The following RFX2 variants were observed in gnomAD, a reference collection of about 807,000 sequenced individuals.
The protein encoded by RFX2 is DNA-binding protein RFX2.
Under a neutral mutation model 87.8 loss-of-function variants are expected in RFX2, and 20 were observed. The ratio of observed to expected loss-of-function variants is 0.23; its 90% CI spans 0.16 to 0.33. The LOEUF is 0.33. Among genes scored for constraint, RFX2 ranks in the 10% least tolerant of loss-of-function variants. The pLI, the probability that RFX2 is intolerant of heterozygous loss-of-function variation, is 1.00. For missense variants in RFX2, 767 were observed against 1,012.3 expected (o/e 0.76, Z 3.29); for synonymous variants, 397 against 431.3 (o/e 0.92, Z 0.98).
At chr19:6,104,584 A>T (rs559600326) in intron 1 of RFX2, among the ~76,000 whole-genome samples, 15 of 150,514 alleles carry the variant, frequency 1.0e-4, no homozygotes, top group Admixed American at 2.6e-4. Context: ...AAAAAAAAAA[A>T]TTTTTAAGGG....
intron 1 of RFX2, among the ~76,000 whole-genome samples, chr19:6,054,493 T>C (rs572821426): frequency 6.6e-6 from 1 of 152,176 alleles, no homozygotes; most frequent in Admixed American, 6.5e-5. Flanking sequence ...AAAATATTAA[T>C]AAATCAAATT....
At chr19:6,097,063 TG>T (rs1189916959) in intron 1 of RFX2, among the ~76,000 whole-genome samples, 1 of 152,156 alleles carries the variant, frequency 6.6e-6, no homozygotes, top group Non-Finnish European at 1.5e-5. Flanking sequence ...AAGACCAGTT[TG>T]GGTGGTGGGA....
intron 1 of RFX2, among the ~76,000 whole-genome samples, chr19:6,107,616 CA>C (rs1156483792): frequency 0.16 from 5,042 of 31,382 alleles, 25 homozygotes; most frequent in East Asian, 0.3. Context: ...GACCCTGTCT[CA>C]AAAAAAAAAA....
intron 5 of RFX2, among the ~76,000 whole-genome samples, chr19:6,034,227 ATTTTTTT>A (rs1167004611): frequency 3.4e-5 from 4 of 117,624 alleles, no homozygotes; most frequent in East Asian, 4.7e-4. Context: ...CACACTGCTA[ATTTTTTT>A]TTTTTTTTTT....
rs1033542055 is a variant in RFX2 at position 6,074,810 on chromosome 19, G to A, written c.-8-27306C>T. Among the ~76,000 whole-genome samples the A allele has an allele frequency of 6.6e-6, 1 of 152,236 alleles. No homozygotes were observed. The highest frequency in any genetic ancestry group is 2.4e-5 in the African/African-American group (1 of 41,464). ...TCTGCCAGGGATGGTGCTCGGCAAG[G>A]CTGAGGCACACGGGACATGTGGGGT... On this transcript the variant is annotated intron_variant, in intron 1 of 17. Coordinates refer to ENST00000303657, the MANE Select transcript of RFX2 (RefSeq NM_000635.4). This position sits in a 1 kb window ranked among gnomAD's most constrained non-coding sequence, Gnocchi z 5.2.
chr19:6,077,857 G>C (rs554560534), intron 1 of RFX2, among the ~76,000 whole-genome samples: 6 of 151,998 alleles, frequency 3.9e-5, no homozygotes, highest in African/African-American at 1.4e-4. Context: ...GCACATGCCT[G>C]TAATCCCAGC....
chr19:6,104,568 CAA>C (rs576267913), intron 1 of RFX2, among the ~76,000 whole-genome samples: 4 of 121,070 alleles, frequency 3.3e-5, no homozygotes, highest in Non-Finnish European at 3.6e-5. Flanking sequence ...GACTCCATCT[CAA>C]AAAAAAAAAA....
rs754731604 is a variant in RFX2 at position 6,023,570 on chromosome 19, C to G, written c.597+2593G>C. Among the ~76,000 whole-genome samples, 8 of 152,208 alleles carry G rather than the reference C, an allele frequency of 5.3e-5. No homozygotes were observed. The highest frequency in any genetic ancestry group is 4.1e-4 in the South Asian group (2 of 4,832). The stretch of plus-strand genomic sequence containing the variant: ...TGCTTCGAGTCACCAAGCCCGGAAT[C>G]TTACTGATCACAGCTCATGACAGAA... On this transcript the variant is annotated intron_variant, in intron 6 of 17. Coordinates refer to ENST00000303657, the MANE Select transcript of RFX2 (RefSeq NM_000635.4). This position sits in a 1 kb window ranked among gnomAD's most constrained non-coding sequence, Gnocchi z 4.9.
chr19:6,007,706 TG>T lies in RFX2; in HGVS notation c.1230del (p.Thr411ProfsTer33). On this transcript the variant is annotated frameshift_variant, in exon 11 of 18. Transcript: ENST00000303657. LOFTEE classifies it high-confidence loss of function. This position sits in a 1 kb window ranked among gnomAD's most constrained non-coding sequence, Gnocchi z 8.2. ...GGCAGTCACCTGGCAGGAAGAGAGG[TG>T]GGGCCGTCGCTGGAGGAGGCCTTAG... The part of the protein sequence containing the change: ...WNSKASSSDG[P>X]TSLPASDEDP... 6.4e-7 allele frequency: 1 copy of T among 1,552,274 alleles called. No individual in the cohort carries two copies.
chr19:6,033,250 A>C lies in RFX2; in HGVS notation c.522+6730T>G, dbSNP rs529506634. On this transcript the variant is annotated intron_variant, in intron 5 of 17. Transcript: ENST00000303657. ...TTTCTCACTAATGTCCTTCCTCTGGACCAGGACCCAATCTGGGATCACATA... is the reference window on the plus strand; with the variant it reads ...TTTCTCACTAATGTCCTTCCTCTGGCCCAGGACCCAATCTGGGATCACATA... 2.6e-5 allele frequency among the ~76,000 whole-genome samples: 4 copies of C among 152,304 alleles called. No homozygotes were observed. The South Asian group carries it at 8.3e-4, about 32-fold the overall frequency.
rs530452619 is a variant in RFX2 at position 6,003,563 on chromosome 19, G to A, written c.1500+638C>T. Among the ~76,000 whole-genome samples, 144 of 152,052 alleles carry A rather than the reference G, an allele frequency of 9.5e-4. 3 individuals carry two copies. In the South Asian group the frequency reaches 0.027, roughly 29 times the overall value. ...AGGCCAAGGCAGGTGGATCGCCTGAGGTCAGGAGTTCGAGACCAGCCTGGC... is the reference window on the plus strand; with the variant it reads ...AGGCCAAGGCAGGTGGATCGCCTGAAGTCAGGAGTTCGAGACCAGCCTGGC... On this transcript the variant is annotated intron_variant, in intron 13 of 17. Coordinates refer to ENST00000303657, the MANE Select transcript of RFX2 (RefSeq NM_000635.4).
rs2086911763 is a variant in RFX2 at position 6,027,985 on chromosome 19, C to T, written c.523-1748G>A. ...CTACGTTGGCCAAGCTGGTCTTGAACTCCTGGCCTCAAGTGATCCGCCCAC... is the reference window on the plus strand; with the variant it reads ...CTACGTTGGCCAAGCTGGTCTTGAATTCCTGGCCTCAAGTGATCCGCCCAC... On this transcript the variant is annotated intron_variant, in intron 5 of 17. Coordinates refer to ENST00000303657, the MANE Select transcript of RFX2 (RefSeq NM_000635.4). This position sits in a 1 kb window ranked among gnomAD's most constrained non-coding sequence, Gnocchi z 5.0. Among the ~76,000 whole-genome samples the T allele has an allele frequency of 1.3e-5, 2 of 152,160 alleles. No individual in the cohort carries two copies. The highest frequency in any genetic ancestry group is 2.9e-5 in the Non-Finnish European group (2 of 68,044).
At chr19:6,033,128 C>T (rs2144748096) in intron 5 of RFX2, among the ~76,000 whole-genome samples, 1 of 152,294 alleles carries the variant, frequency 6.6e-6, no homozygotes, top group Admixed American at 6.5e-5. Flanking sequence ...CAGGCATCAG[C>T]CACCACACTC....
chr19:6,062,787 T>C (rs1475314650), intron 1 of RFX2, among the ~76,000 whole-genome samples: 3 of 152,210 alleles, frequency 2.0e-5, no homozygotes, highest in Non-Finnish European at 4.4e-5. Context: ...TCTTCATTCA[T>C]TCTCAGTAAC....
intron 1 of RFX2, among the ~76,000 whole-genome samples, chr19:6,079,133 AG>A (rs2087740147): frequency 6.6e-6 from 1 of 152,240 alleles, no homozygotes; most frequent in African/African-American, 2.4e-5. Context: ...TAAGACATGC[AG>A]GTTCCTGTAA....
At position 6,007,754 on chromosome 19, in the gene RFX2, G is replaced by A; in HGVS notation, c.1183C>T (p.Leu395=). The change falls in exon 11 of 18, where the codon CTG becomes TTG. Residue 395 remains leucine (L), a synonymous_variant. Transcript: ENST00000303657. The surrounding 1 kb of genome is among the most constrained non-coding windows in gnomAD (Gnocchi z 8.2). The stretch of plus-strand genomic sequence containing the variant: ...TTAGAGTTCCAGAAGGAGAGCCACA[G>A]CTTCTCGATGTAGTGGAACTGGAGG... ...MNLQFHYIEK[L]WLSFWNSKAS... is the part of the protein sequence containing the mutation. The A allele has an allele frequency of 6.4e-7, 1 of 1,555,910 alleles. No individual in the cohort carries two copies. Among genetic ancestry groups the A allele is most frequent in the South Asian group, 1.2e-5 (1 of 84,374 alleles).
chr19:5,998,133 C>T lies in RFX2; in HGVS notation c.1860-920G>A, dbSNP rs550833651. On this transcript the variant is annotated intron_variant, in intron 15 of 17. Transcript: ENST00000303657. This position sits in a 1 kb window ranked among gnomAD's most constrained non-coding sequence, Gnocchi z 4.2. Reference sequence around the variant, plus strand: ...GACCAGCCTGGCCAACATGGTGAAACGCCATCTCTACTAAGAATACAAAAA... The same window carrying T: ...GACCAGCCTGGCCAACATGGTGAAATGCCATCTCTACTAAGAATACAAAAA... Among the ~76,000 whole-genome samples, 109 of 152,246 alleles carry T rather than the reference C, an allele frequency of 7.2e-4. No homozygotes were observed. The highest frequency in any genetic ancestry group is 2.3e-3 in the African/African-American group (94 of 41,530).
intron 17 of RFX2, 129 bp downstream of exon 17, chr19:5,995,472 C>A: frequency 1.1e-6 from 1 of 901,276 alleles, no homozygotes; most frequent in South Asian, 1.5e-5. Context: ...TGACAGATCC[C>A]AGGGCCCTCA....
Position 6,022,953 on chromosome 19 carries a change from G to A in RFX2, c.597+3210C>T, listed in dbSNP as rs896224312. 4 of 152,344 alleles carry A rather than the reference G, an allele frequency of 2.6e-5. No individual in the cohort carries two copies. The highest frequency in any genetic ancestry group is 4.1e-4 in the South Asian group (2 of 4,834). 9.4% of individuals were successfully genotyped at this position (152,344 alleles called of 1,614,324 possible). A position where few individuals can be genotyped will look rare whatever the true frequency, so the allele number is the denominator to read the frequency against. On this transcript the variant is annotated intron_variant, in intron 6 of 17. Coordinates refer to ENST00000303657, the MANE Select transcript of RFX2 (RefSeq NM_000635.4). The surrounding 1 kb of genome is among the most constrained non-coding windows in gnomAD (Gnocchi z 6.2). Reference sequence around the variant, plus strand: ...GCGCAGAGGAGGGAACCAGCTCCGCGGAACACGTGGCCAGCTCCGCTCAGA... The same window carrying A: ...GCGCAGAGGAGGGAACCAGCTCCGCAGAACACGTGGCCAGCTCCGCTCAGA...
Sources: gnomAD v4.1 joint callset for allele counts (sites outside exome capture counted in the v4.1 genomes callset) on GRCh38, gnomAD v4.1.1 for gene constraint, Gnocchi (gnomAD v3.1) non-coding constraint, MANE v1.5 for transcripts, NCBI Gene and HGNC (gene_info 2026-07-23, HGNC 2026-07-21) for gene names.